MLLT10: variants seen among roughly 807,000 people sequenced by gnomAD.
MLLT10 encodes MLLT10 histone lysine methyltransferase DOT1L cofactor.
MLLT10 carries 30 observed loss-of-function variants against 129.1 expected under a neutral mutation model. That is an observed-to-expected ratio of 0.23 (90% confidence interval 0.17 to 0.32). MLLT10 has a LOEUF of 0.32. Among genes scored for constraint, MLLT10 ranks in the 10% least tolerant of loss-of-function variants. MLLT10 has a pLI of 1.00. For missense variants in MLLT10, 1,119 were observed against 1,268.3 expected (o/e 0.88, Z 1.79); for synonymous variants, 490 against 446.4 (o/e 1.10, Z -1.23).
intron 16 of MLLT10, among the ~76,000 whole-genome samples, chr10:21,730,070 C>G (rs1589864157): frequency 6.6e-6 from 1 of 152,054 alleles, no homozygotes; most frequent in East Asian, 1.9e-4. Flanking sequence ...GAGTTGGAGA[C>G]TAAGCTGGGC....
chr10:21,717,795 TCTTCTC>T (rs1226142878), intron 14 of MLLT10, among the ~76,000 whole-genome samples: 7 of 137,616 alleles, frequency 5.1e-5, no homozygotes, highest in African/African-American at 2.0e-4. Flanking sequence ...TTCTTCTTCT[TCTTCTC>T]CTTCTTCTTC....
At position 21,682,240 on chromosome 10, in the gene MLLT10, T is replaced by C; in HGVS notation, c.1682T>C (p.Leu561Pro). Residue 561 changes from leucine to proline, a missense_variant, in exon 13 of 23, where the codon CTG (leucine) becomes CCG (proline). Leu to Pro is a moderately conservative substitution (Grantham distance 98). This residue lies in a region of MLLT10 where 1,004 missense variants were observed against 1,008.7 expected (regional missense o/e 1.00). Coordinates refer to ENST00000307729, the MANE Select transcript of MLLT10 (RefSeq NM_001195626.3). Reference sequence around the variant, plus strand: ...TACTTAAAAGCGTTCTCAGAGTTGCTGAATGCAATACACAACGGTAAGTTT... The same window carrying C: ...TACTTAAAAGCGTTCTCAGAGTTGCCGAATGCAATACACAACGGTAAGTTT... ...ACPTTTFSEL[L>P]NAIHNGIYNS... 3 of 1,611,422 alleles carry C rather than the reference T, an allele frequency of 1.9e-6. No homozygotes were observed. Among genetic ancestry groups the C allele is most frequent in the Non-Finnish European group, 2.5e-6 (3 of 1,179,060 alleles).
chr10:21,612,299 C>A, intron 5 of MLLT10, 49 bp from the exon 6 acceptor site: 1 of 1,128,008 alleles, frequency 8.9e-7, no homozygotes, highest in Non-Finnish European at 1.3e-6. Context: ...AATTCTGATT[C>A]ATGTTAAGAA....
At position 21,673,896 on chromosome 10, in the gene MLLT10, T is replaced by A; in HGVS notation, c.1598T>A (p.Val533Asp). The A allele has an allele frequency of 6.2e-7, 1 of 1,602,622 alleles. No individual in the cohort carries two copies. The highest frequency in any genetic ancestry group is 8.5e-7 in the Non-Finnish European group (1 of 1,174,786). The part of the protein sequence containing the change: ...LRNGSLQSLS[V>D]GSSPVGSEIS... ...AATGGAAGTTTACAGAGCCTCAGTG[T>A]TGGCTCATCTCCAGTTGGTTCAGGT... The change falls in exon 11 of 23, where the codon GTT (valine) becomes GAT (aspartate). Residue 533 changes from valine to aspartate, a missense_variant. Physicochemically the swap from Val to Asp is radical, Grantham distance 152 (BLOSUM62 -3). Around this residue, in one of 5 missense-constraint regions of MLLT10, gnomAD observed 1,004 missense variants for 1,008.7 expected, o/e 1.00. Coordinates refer to ENST00000307729, the MANE Select transcript of MLLT10 (RefSeq NM_001195626.3).
chr10:21,719,685 T>C (rs1270361801), intron 14 of MLLT10, among the ~76,000 whole-genome samples: 6 of 152,190 alleles, frequency 3.9e-5, no homozygotes, highest in Admixed American at 2.0e-4. Context: ...TTTTAATTTT[T>C]GTGAGCCTCA....
chr10:21,535,834 G>A (rs1172207953), intron 2 of MLLT10, among the ~76,000 whole-genome samples: 2 of 152,248 alleles, frequency 1.3e-5, no homozygotes, highest in East Asian at 3.8e-4. Context: ...ATTTTGTAGA[G>A]AAACGAATGT....
chr10:21,558,567 A>G (rs781513872), intron 3 of MLLT10, among the ~76,000 whole-genome samples: 15 of 151,782 alleles, frequency 9.9e-5, no homozygotes, highest in Non-Finnish European at 1.9e-4. Flanking sequence ...TAATTAAAGA[A>G]TAGAGGTGGG....
intron 8 of MLLT10, among the ~76,000 whole-genome samples, chr10:21,649,529 A>G (rs1203884111): frequency 6.6e-6 from 1 of 152,168 alleles, no homozygotes; most frequent in African/African-American, 2.4e-5. Flanking sequence ...TCTTTCTTCC[A>G]TGTGGTATCT....
At chr10:21,570,507 G>C (rs1310113466) in intron 3 of MLLT10, among the ~76,000 whole-genome samples, 6 of 151,074 alleles carry the variant, frequency 4.0e-5, no homozygotes, top group African/African-American at 1.2e-4. Flanking sequence ...ATTATCTCCT[G>C]TTTTGTGGCT....
intron 5 of MLLT10, among the ~76,000 whole-genome samples, chr10:21,606,503 C>T (rs759555765): frequency 6.6e-6 from 1 of 152,136 alleles, no homozygotes; most frequent in Non-Finnish European, 1.5e-5. Context: ...CCATTAAGAA[C>T]ATTTGTGTTT....
chr10:21,612,228 T>G, intron 5 of MLLT10, 120 bp from the exon 6 acceptor site: 1 of 542,662 alleles, frequency 1.8e-6, no homozygotes, highest in Non-Finnish European at 3.3e-6. Flanking sequence ...AATGAATTCA[T>G]ATTTTGAGTT....
intron 22 of MLLT10, among the ~76,000 whole-genome samples, chr10:21,741,120 A>G (rs996712130): frequency 1.3e-5 from 2 of 152,218 alleles, no homozygotes; most frequent in Non-Finnish European, 2.9e-5. Context: ...ATTATTCAAA[A>G]TAGAGGATTG....
intron 4 of MLLT10, among the ~76,000 whole-genome samples, chr10:21,592,755 C>T (rs1280029259): frequency 3.9e-5 from 6 of 152,072 alleles, no homozygotes; most frequent in Non-Finnish European, 5.9e-5. Flanking sequence ...TGAGCCACCG[C>T]GCCCGGCCAG....
In MLLT10 at chr10:21,673,336, T is replaced by TG; in HGVS notation, c.1052-14_1052-13insG. On this transcript the variant is annotated splice_polypyrimidine_tract_variant and intron_variant, in intron 10 of 22. Transcript: ENST00000307729. ...CCCCCAACTTTTTTTTTTTTTTTTT[T>TG]TTTTAAACTACAGGCAGTTTTTCAG... The TG allele has an allele frequency of 9.0e-7, 1 of 1,110,356 alleles. No homozygotes were observed. The highest frequency in any genetic ancestry group is 1.2e-6 in the Non-Finnish European group (1 of 853,410). 68.8% of individuals were successfully genotyped at this position (1,110,356 alleles called of 1,614,324 possible).
chr10:21,696,329 C>T (rs2054358719), intron 13 of MLLT10, among the ~76,000 whole-genome samples: 1 of 151,906 alleles, frequency 6.6e-6, no homozygotes, highest in African/African-American at 2.4e-5. Context: ...CCCTATGACA[C>T]AGCCCTCAGG....
chr10:21,538,467 T>TA (rs1311962450), intron 2 of MLLT10, among the ~76,000 whole-genome samples: 1 of 151,878 alleles, frequency 6.6e-6, no homozygotes, highest in Non-Finnish European at 1.5e-5. Flanking sequence ...CTGGCCTAAT[T>TA]AAAAAAAATT....
intron 3 of MLLT10, among the ~76,000 whole-genome samples, chr10:21,543,883 A>G (rs918350632): frequency 6.6e-6 from 1 of 152,180 alleles, no homozygotes; most frequent in African/African-American, 2.4e-5. Context: ...TAACATGGAA[A>G]TGTATTTCAC....
rs558798315 is a variant in MLLT10 at position 21,579,601 on chromosome 10, T to C, written c.241-6693T>C. ...TTTTGAGGTGGAGTTTCGCTCTTGTTGCCCAAACTGGAGTGCAGTGGTGCG... is the reference window on the plus strand; with the variant it reads ...TTTTGAGGTGGAGTTTCGCTCTTGTCGCCCAAACTGGAGTGCAGTGGTGCG... On this transcript the variant is annotated intron_variant, in intron 3 of 22. Coordinates refer to ENST00000307729, the MANE Select transcript of MLLT10 (RefSeq NM_001195626.3). Among the ~76,000 whole-genome samples, 178 of 151,764 alleles carry C rather than the reference T, an allele frequency of 1.2e-3. 2 individuals carry two copies. Among genetic ancestry groups the C allele is most frequent in the Admixed American group, 2.0e-3 (30 of 15,198 alleles).
chr10:21,612,676 T>C lies in MLLT10; in HGVS notation c.509+225T>C, dbSNP rs373067637. On this transcript the variant is annotated intron_variant, in intron 6 of 22. Transcript: ENST00000307729. ...ACTCTGGTTCTGATGTTTTATTCTC[T>C]GTAAGCTTCAGTTTCGTCTTGTTTA... Among the ~76,000 whole-genome samples the C allele has an allele frequency of 7.9e-5, 12 of 152,358 alleles. No individual in the cohort carries two copies. The East Asian group carries it at 1.7e-3, about 22-fold the overall frequency.
Sources: gnomAD v4.1 joint callset for allele counts (sites outside exome capture counted in the v4.1 genomes callset) on GRCh38, gnomAD v4.1.1 for gene constraint, gnomAD v4.1.1 regional missense constraint, MANE v1.5 for transcripts, NCBI Gene and HGNC (gene_info 2026-07-23, HGNC 2026-07-21) for gene names.